MAD1L1: variants seen among roughly 807,000 people sequenced by gnomAD.
MAD1L1 encodes the protein mitotic spindle assembly checkpoint protein MAD1.
MAD1L1 carries 95 observed loss-of-function variants against 96.9 expected under a neutral mutation model. The ratio of observed to expected loss-of-function variants is 0.98; its 90% CI spans 0.83 to 1.16. The LOEUF is 1.16. Among genes scored for constraint, MAD1L1 ranks in the 50% most tolerant of loss-of-function variants. MAD1L1 has a pLI of 0.00. For synonymous variants in MAD1L1, 473 were observed against 396.6 expected, an observed-to-expected ratio of 1.19 and a Z score of -2.29; for missense variants, 1,007 against 954.4, an observed-to-expected ratio of 1.06 and a Z score of -0.73.
At chr7:2,046,353 G>A (rs939375965) in intron 12 of MAD1L1, among the ~76,000 whole-genome samples, 11 of 152,254 alleles carry the variant, frequency 7.2e-5, no homozygotes, top group South Asian at 4.2e-4. Flanking sequence ...CCTCAGGGCC[G>A]TCCAGCGAGC....
intron 10 of MAD1L1, among the ~76,000 whole-genome samples, chr7:2,196,227 A>G (rs2128609544): frequency 6.6e-6 from 1 of 152,350 alleles, no homozygotes; most frequent in East Asian, 1.9e-4. Context: ...GGCTTTGTCA[A>G]CTACACAGCA....
intron 16 of MAD1L1, among the ~76,000 whole-genome samples, chr7:1,938,323 TCACA>T (rs1562541671): frequency 1.3e-5 from 2 of 151,280 alleles, no homozygotes; most frequent in Non-Finnish European, 2.9e-5. Context: ...CGACCTCACA[TCACA>T]CACAAACATC....
intron 17 of MAD1L1, among the ~76,000 whole-genome samples, chr7:1,918,522 A>G (rs1054955285): frequency 6.6e-6 from 1 of 152,182 alleles, no homozygotes; most frequent in Non-Finnish European, 1.5e-5. Flanking sequence ...CGCCCAGTCC[A>G]GGGAGGATCT....
At chr7:1,997,718 G>C (rs78362275) in intron 14 of MAD1L1, among the ~76,000 whole-genome samples, 6,237 of 152,316 alleles carry the variant, frequency 0.041, 432 homozygotes, top group African/African-American at 0.14. Flanking sequence ...GTGGCGGGGG[G>C]CAGGGGAGGG....
At chr7:2,082,245 C>T (rs1040826802) in intron 11 of MAD1L1, among the ~76,000 whole-genome samples, 1 of 151,456 alleles carries the variant, frequency 6.6e-6, no homozygotes, top group South Asian at 2.1e-4. Context: ...AACAGCTGCA[C>T]GGGAAACCAG....
At chr7:2,226,521 G>C (rs74480817) in intron 3 of MAD1L1, among the ~76,000 whole-genome samples, 2 of 152,344 alleles carry the variant, frequency 1.3e-5, no homozygotes, top group Non-Finnish European at 2.9e-5. Flanking sequence ...GCCTCAAAGA[G>C]CCCCAGAAGA....
At chr7:2,100,056 C>CA (rs759493609) in intron 11 of MAD1L1, among the ~76,000 whole-genome samples, 25 of 152,248 alleles carry the variant, frequency 1.6e-4, no homozygotes, top group South Asian at 6.2e-4. Context: ...AAAACCGTCT[C>CA]AGGGACATGG....
At chr7:1,894,813 T>C (rs772145429) in intron 18 of MAD1L1, among the ~76,000 whole-genome samples, 8 of 136,256 alleles carry the variant, frequency 5.9e-5, no homozygotes, top group Non-Finnish European at 7.9e-5. Context: ...AGAGCAGGAG[T>C]AGAGGGTGGG....
intron 15 of MAD1L1, among the ~76,000 whole-genome samples, chr7:1,975,633 A>G (rs945380232): frequency 6.6e-6 from 1 of 152,210 alleles, no homozygotes; most frequent in African/African-American, 2.4e-5. Context: ...TAATTTCTAC[A>G]AAAGAACATT....
intron 14 of MAD1L1, among the ~76,000 whole-genome samples, chr7:1,989,044 C>A (rs186736209): frequency 1.7e-3 from 258 of 152,326 alleles, no homozygotes; most frequent in African/African-American, 5.8e-3. Flanking sequence ...TGAAGACTTA[C>A]CACTAACCAA....
At chr7:2,122,402 C>T (rs1214330661) in intron 11 of MAD1L1, among the ~76,000 whole-genome samples, 2 of 152,130 alleles carry the variant, frequency 1.3e-5, no homozygotes, top group African/African-American at 4.8e-5. Context: ...CCGAGGCAGG[C>T]AGATCACCTG....
At position 2,230,124 on chromosome 7, in the gene MAD1L1, G is replaced by A; in HGVS notation, c.10C>T (p.Leu4=). MED[L]GENTMVLSTL... ...GATAAAACCATGGTGTTTTCCCCCAGGTCTTCCATGGTTGCTTTCCTTCCG... is the reference window on the plus strand; with the variant it reads ...GATAAAACCATGGTGTTTTCCCCCAAGTCTTCCATGGTTGCTTTCCTTCCG... Residue 4 remains leucine, a synonymous_variant, in exon 3 of 19, where the codon CTG becomes TTG. Coordinates refer to ENST00000265854, the MANE Select transcript of MAD1L1 (RefSeq NM_001013836.2). 1.9e-6 allele frequency: 3 copies of A among 1,593,660 alleles called. No individual in the cohort carries two copies. The highest frequency in any genetic ancestry group is 1.7e-6 in the Non-Finnish European group (2 of 1,169,818).
Position 2,205,084 on chromosome 7 carries a change from C to CTTTTT in MAD1L1, c.986+8123_986+8127dup, listed in dbSNP as rs56101356. On this transcript the variant is annotated intron_variant, in intron 10 of 18. Transcript: ENST00000265854. ...TGCTTCTAACCTCACAGGATCTTTT[C>CTTTTT]TTTTTTTTTTTTTTTTTTTTTTTGC... Among the ~76,000 whole-genome samples the CTTTTT allele has an allele frequency of 8.3e-3, 864 of 103,790 alleles. 2 individuals are homozygous for CTTTTT. The highest frequency in any genetic ancestry group is 0.015 in the African/African-American group (422 of 27,852). The allele number at this position is 103,790 out of a possible 152,430, so 68.1% of individuals were successfully genotyped here. A position where few individuals can be genotyped will look rare whatever the true frequency, so the allele number is the denominator to read the frequency against.
intron 17 of MAD1L1, among the ~76,000 whole-genome samples, chr7:1,912,316 T>C (rs537041044): frequency 1.3e-5 from 2 of 152,306 alleles, no homozygotes; most frequent in East Asian, 3.9e-4. Flanking sequence ...AAACTTAACC[T>C]ATCCTTTTGG....
chr7:2,110,493 T>C (rs1461825332), intron 11 of MAD1L1, among the ~76,000 whole-genome samples: 2 of 152,134 alleles, frequency 1.3e-5, no homozygotes, highest in Admixed American at 1.3e-4. Flanking sequence ...TGAGACAGAG[T>C]TCACTTCTTC....
At chr7:1,836,833 C>G (rs1782959274) in intron 18 of MAD1L1, among the ~76,000 whole-genome samples, 2 of 151,678 alleles carry the variant, frequency 1.3e-5, no homozygotes, top group South Asian at 4.2e-4. Context: ...ATCATGAACA[C>G]AAATGTAAAA....
At chr7:2,071,321 A>T (rs1584251173) in intron 11 of MAD1L1, among the ~76,000 whole-genome samples, 2 of 152,204 alleles carry the variant, frequency 1.3e-5, no homozygotes, top group Admixed American at 1.3e-4. Context: ...CATGGCGGGA[A>T]CCCCAACCTG....
chr7:1,985,873 G>A (rs557410675), intron 14 of MAD1L1, among the ~76,000 whole-genome samples: 4 of 152,204 alleles, frequency 2.6e-5, no homozygotes, highest in Non-Finnish European at 4.4e-5. Context: ...TTCTTGGAGC[G>A]TGTGCGTTCC....
At chr7:2,179,235 A>G (rs527352157) in intron 10 of MAD1L1, among the ~76,000 whole-genome samples, 19 of 152,288 alleles carry the variant, frequency 1.2e-4, no homozygotes, top group Non-Finnish European at 1.8e-4. Flanking sequence ...GGTGGCCTTG[A>G]AAAATCAGTC....
Sources: gnomAD v4.1 joint callset for allele counts (sites outside exome capture counted in the v4.1 genomes callset) on GRCh38, gnomAD v4.1.1 for gene constraint, MANE v1.5 for transcripts, NCBI Gene and HGNC (gene_info 2026-07-23, HGNC 2026-07-21) for gene names.